The following COPE variants were observed in gnomAD, a reference collection of about 807,000 sequenced individuals.
COPE encodes coatomer subunit epsilon.
A neutral mutation model predicts 42.1 loss-of-function variants in COPE; 19 were observed. That is an observed-to-expected ratio of 0.45 (90% CI 0.31 to 0.66). COPE has a LOEUF of 0.66. Ranked by LOEUF, COPE falls within the 30% of genes least tolerant of loss-of-function variation. The pLI, the probability that COPE is intolerant of heterozygous loss-of-function variation, is 0.05. For missense variants in COPE, 402 were observed against 416.1 expected (o/e 0.97, Z 0.30); for synonymous variants, 195 against 181.3 (o/e 1.08, Z -0.60).
At chr19:18,919,082 C>A (rs1041543122) in intron 1 of COPE, 141 bp downstream of exon 1, 9 of 773,692 alleles carry the variant, frequency 1.2e-5, no homozygotes, top group Middle Eastern at 3.8e-4. Context: ...AGTGACTACT[C>A]CTCACTGAAC....
At chr19:18,904,919 G>T in intron 5 of COPE, 67 bp from the exon 6 acceptor site, 1 of 1,484,420 alleles carries the variant, frequency 6.7e-7, no homozygotes, top group Non-Finnish European at 9.2e-7. Flanking sequence ...TCCCTGCCTT[G>T]TCCCCACTTG....
intron 1 of COPE, among the ~76,000 whole-genome samples, chr19:18,914,171 G>A (rs2056834285): frequency 6.6e-6 from 1 of 152,162 alleles, no homozygotes; most frequent in African/African-American, 2.4e-5. Context: ...TGCGGAGGGT[G>A]GTGGCTGCAG....
intron 5 of COPE, 108 bp downstream of exon 5, chr19:18,905,468 G>T: frequency 8.7e-6 from 10 of 1,154,602 alleles, no homozygotes; most frequent in Non-Finnish European, 1.2e-5. Flanking sequence ...GGAAAGGAAA[G>T]ACAACAAGAG....
chr19:18,916,704 C>A (rs1601237523), intron 1 of COPE, among the ~76,000 whole-genome samples: 2 of 151,344 alleles, frequency 1.3e-5, no homozygotes, highest in South Asian at 4.2e-4. Flanking sequence ...AGGAGAACTG[C>A]TTGAACCCGG....
intron 7 of COPE, among the ~76,000 whole-genome samples, chr19:18,901,288 G>A (rs1459724500): frequency 1.3e-5 from 2 of 152,376 alleles, no homozygotes; most frequent in South Asian, 4.1e-4. Flanking sequence ...CCTGAGAGGT[G>A]TAACAAAAGC....
At chr19:18,904,733 G>A in intron 6 of COPE, 38 bp downstream of exon 6, 1 of 1,533,262 alleles carries the variant, frequency 6.5e-7, no homozygotes, top group African/African-American at 1.4e-5. Context: ...TCAGCCAGGT[G>A]CCCGCAATGC....
chr19:18,900,998 G>A (rs890829366), intron 7 of COPE, among the ~76,000 whole-genome samples: 37 of 152,186 alleles, frequency 2.4e-4, no homozygotes, highest in Middle Eastern at 3.2e-3. Flanking sequence ...TGCCCACGGC[G>A]GCCCATGGCA....
chr19:18,905,583 G>A lies in COPE; in HGVS notation c.490C>T (p.Leu164Phe). Residue 164 changes from leucine to phenylalanine, a missense_variant, in exon 5 of 10, where the codon CTC becomes TTC. Physicochemically the swap from Leu to Phe is conservative, Grantham distance 22. Coordinates refer to ENST00000262812, the MANE Select transcript of COPE (RefSeq NM_007263.4). The stretch of plus-strand genomic sequence containing the variant: ...AGGGGCAGGAGGGCTCACCGGGCGA[G>A]GTCCAGGCGGTCCAGCTTCAGCAGG... ...QILLKLDRLDLARKELKRMQD... is the reference protein window; with the variant it reads ...QILLKLDRLDFARKELKRMQD... The A allele has an allele frequency of 1.3e-6, 2 of 1,591,462 alleles. No homozygotes were observed. Among genetic ancestry groups the A allele is most frequent in the Non-Finnish European group, 1.7e-6 (2 of 1,176,794 alleles).
chr19:18,914,892 G>A (rs540572849), intron 1 of COPE, among the ~76,000 whole-genome samples: 16 of 151,054 alleles, frequency 1.1e-4, no homozygotes, highest in South Asian at 4.2e-4. Flanking sequence ...GAGTAGCCGC[G>A]ACTATATGTA....
chr19:18,914,873 C>T (rs2056840837), intron 1 of COPE, among the ~76,000 whole-genome samples: 1 of 149,976 alleles, frequency 6.7e-6, no homozygotes, highest in South Asian at 2.1e-4. Context: ...TTTTCTGCCT[C>T]AGTCTCCCGA....
chr19:18,913,142 A>G (rs2056826359), intron 1 of COPE, 96 bp from the exon 2 acceptor site: 1 of 1,105,702 alleles, frequency 9.0e-7, no homozygotes, highest in Non-Finnish European at 1.4e-6. Context: ...CACTGGGGAC[A>G]GGTGGCTTCT....
At position 18,914,553 on chromosome 19, in the gene COPE, ATAAG is replaced by A. The variant is rs1415983231; in HGVS notation, c.127-1511_127-1508del. On this transcript the variant is annotated intron_variant, in intron 1 of 9. Coordinates refer to ENST00000262812, the MANE Select transcript of COPE (RefSeq NM_007263.4). ...AAGACTCCATCTCAATAAAAAATAAATAAGTAACTCTCAATCAACCTTCTGAGGT... is the reference window on the plus strand; with the variant it reads ...AAGACTCCATCTCAATAAAAAATAAATAACTCTCAATCAACCTTCTGAGGT... 2.6e-5 allele frequency among the ~76,000 whole-genome samples: 4 copies of A among 151,790 alleles called. No individual in the cohort carries two copies. In the East Asian group the frequency reaches 5.9e-4, roughly 22 times the overall value.
In COPE at chr19:18,911,937, G is replaced by C. The variant is rs558703940; in HGVS notation, c.190-866C>G. ...GTGACCTCAGCTCACCGAAACCTCTGCCTCCCAGGTTCAAGTAATTCTCCT... is the reference window on the plus strand; with the variant it reads ...GTGACCTCAGCTCACCGAAACCTCTCCCTCCCAGGTTCAAGTAATTCTCCT... On this transcript the variant is annotated intron_variant, in intron 2 of 9. Coordinates refer to ENST00000262812, the MANE Select transcript of COPE (RefSeq NM_007263.4). 4.2e-4 allele frequency among the ~76,000 whole-genome samples: 62 copies of C among 147,212 alleles called. No individual in the cohort carries two copies. In the South Asian group the frequency reaches 0.012, roughly 29 times the overall value.
intron 4 of COPE, 24 bp downstream of exon 4, chr19:18,906,936 C>T: frequency 6.5e-7 from 1 of 1,544,318 alleles, no homozygotes; most frequent in Non-Finnish European, 8.7e-7. Context: ...CCTGGGCTGG[C>T]CCCAGAGCAG....
At position 18,907,090 on chromosome 19, in the gene COPE, C is replaced by G. The variant is rs145639224; in HGVS notation, c.313G>C (p.Asp105His). ...TCCACGCTCCTGCTCATCTCTCGGT[C>G]CAGCTCGGCCACGATGCTGTCCCTG... ...SRRDSIVAEL[D>H]REMSRSVDVT... The change falls in exon 4 of 10, where the codon GAC becomes CAC. Residue 105 changes from aspartate to histidine, a missense_variant. By Grantham distance (81) the Asp-to-His change is moderately conservative. Transcript: ENST00000262812. 2,962 of 1,612,178 alleles carry G rather than the reference C, an allele frequency of 1.8e-3. 6 individuals carry two copies. The highest frequency in any genetic ancestry group is 2.4e-3 in the Non-Finnish European group (2,792 of 1,179,618).
intron 1 of COPE, among the ~76,000 whole-genome samples, chr19:18,916,817 TG>T (rs2056857460): frequency 6.7e-6 from 1 of 149,884 alleles, no homozygotes; most frequent in African/African-American, 2.5e-5. Flanking sequence ...AAAAATTAGC[TG>T]GGTGTGGTGG....
In COPE at chr19:18,906,976, C is replaced by T. The variant is rs1326825829; in HGVS notation, c.427G>A (p.Gly143Arg). 6.4e-7 allele frequency: 1 copy of T among 1,565,472 alleles called. No individual in the cohort carries two copies. The change falls in exon 4 of 10, where the codon GGG becomes AGG. Residue 143 changes from glycine (G) to arginine (R), a missense_variant. Transcript: ENST00000262812. ...PDAALRALHQ[G>R]DSLECTAMTV... ...GCCACTCACCACTCCAGGCTGTCCC[C>T]CTGGTGCAGCGCACGCAGGGCGGCA... is the stretch of plus-strand genomic sequence containing the variant.
Position 18,912,537 on chromosome 19 carries a change from T to C in COPE, c.189+447A>G, listed in dbSNP as rs566305315. Among the ~76,000 whole-genome samples, 5 of 151,606 alleles carry C rather than the reference T, an allele frequency of 3.3e-5. No homozygotes were observed. The East Asian group carries it at 9.8e-4, about 30-fold the overall frequency. On this transcript the variant is annotated intron_variant, in intron 2 of 9. Coordinates refer to ENST00000262812, the MANE Select transcript of COPE (RefSeq NM_007263.4). ...ACTTTGGGAGGCTGAGGCAGGTGGA[T>C]CATGAAGTCAGGAGTTCAAGACCAC...
intron 1 of COPE, among the ~76,000 whole-genome samples, chr19:18,918,518 A>C (rs1465747713): frequency 6.6e-6 from 1 of 152,046 alleles, no homozygotes. Context: ...GGTTCACTGC[A>C]ACCTCGGCCT....
Sources: allele counts gnomAD v4.1 joint callset (sites outside exome capture counted in the v4.1 genomes callset), GRCh38; gene constraint gnomAD v4.1.1; transcripts MANE v1.5; gene names NCBI Gene and HGNC (gene_info 2026-07-23, HGNC 2026-07-21).